The following ROBO1 variants were observed in gnomAD, a reference collection of about 807,000 sequenced individuals.
ROBO1 encodes roundabout homolog 1.
In ROBO1, 149 loss-of-function variants were observed where a neutral mutation model predicts 195.9. The observed-to-expected ratio is 0.76, with a 90% CI of 0.67 to 0.87. The LOEUF is 0.87. Ranked by LOEUF, ROBO1 falls within the 40% of genes least tolerant of loss-of-function variation. The probability of loss-of-function intolerance (pLI) is 0.00; values close to 1 mark genes in which losing one functional copy is unlikely to be tolerated. For missense variants in ROBO1, 1,933 were observed against 2,068.3 expected (o/e 0.93, Z 1.27); for synonymous variants, 816 against 733.2 (o/e 1.11, Z -1.82).
chr3:79,360,562 A>G (rs1559844533), intron 2 of ROBO1, among the ~76,000 whole-genome samples: 1 of 152,154 alleles, frequency 6.6e-6, no homozygotes, highest in Non-Finnish European at 1.5e-5. Context: ...GACATTGATG[A>G]TGGTGATGAT....
chr3:79,159,973 G>T (rs1045867414), intron 2 of ROBO1, among the ~76,000 whole-genome samples: 1 of 151,980 alleles, frequency 6.6e-6, no homozygotes, highest in Non-Finnish European at 1.5e-5. Flanking sequence ...AACTCTATAT[G>T]TCTGAGAAAA....
chr3:79,564,409 T>C (rs1943025261), intron 2 of ROBO1, among the ~76,000 whole-genome samples: 2 of 152,018 alleles, frequency 1.3e-5, no homozygotes, highest in South Asian at 4.1e-4. Context: ...TACTGCTGTG[T>C]TGTGCTAGTG....
chr3:79,397,204 T>C (rs530656212), intron 2 of ROBO1, among the ~76,000 whole-genome samples: 3 of 150,880 alleles, frequency 2.0e-5, no homozygotes, highest in Non-Finnish European at 3.0e-5. Flanking sequence ...TATGTGTATA[T>C]ATAAAATTAA....
chr3:79,114,968 C>T (rs2079964321), intron 3 of ROBO1, among the ~76,000 whole-genome samples: 1 of 152,142 alleles, frequency 6.6e-6, no homozygotes, highest in African/African-American at 2.4e-5. Context: ...ATTGTAGAGT[C>T]ATAGCATAGA....
chr3:79,518,293 T>TAAGAAG (rs201584235), intron 2 of ROBO1, among the ~76,000 whole-genome samples: 1,889 of 152,200 alleles, frequency 0.012, 27 homozygotes, highest in Middle Eastern at 0.048. Context: ...TAAGGCATGT[T>TAAGAAG]AAGAAGAAGA....
At chr3:79,637,006 C>T (rs564300865) in intron 1 of ROBO1, among the ~76,000 whole-genome samples, 1 of 152,228 alleles carries the variant, frequency 6.6e-6, no homozygotes, top group South Asian at 2.1e-4. Context: ...AACAGAAAGG[C>T]TAACCCATAA....
At chr3:78,930,840 A>G (rs1298374138) in intron 4 of ROBO1, among the ~76,000 whole-genome samples, 1 of 152,178 alleles carries the variant, frequency 6.6e-6, no homozygotes, top group Non-Finnish European at 1.5e-5. Context: ...CACATGTAAC[A>G]CTCAGGTACA....
chr3:79,690,991 A>C (rs547800397), intron 1 of ROBO1, among the ~76,000 whole-genome samples: 2 of 152,032 alleles, frequency 1.3e-5, no homozygotes, highest in South Asian at 4.1e-4. Flanking sequence ...TATTCTTTTC[A>C]TGGTAAATTT....
intron 2 of ROBO1, among the ~76,000 whole-genome samples, chr3:79,442,557 T>C (rs1282657042): frequency 1.3e-5 from 2 of 152,144 alleles, no homozygotes; most frequent in Non-Finnish European, 2.9e-5. Flanking sequence ...GGTGCATCCA[T>C]ACTCTAGTGA....
intron 2 of ROBO1, among the ~76,000 whole-genome samples, chr3:79,580,083 A>T (rs758449968): frequency 3.9e-5 from 6 of 152,164 alleles, no homozygotes; most frequent in Non-Finnish European, 7.3e-5. Context: ...TTTCATATAC[A>T]AGGAATTCAG....
chr3:78,909,478 G>C (rs2038119774), intron 4 of ROBO1, among the ~76,000 whole-genome samples: 1 of 151,622 alleles, frequency 6.6e-6, no homozygotes. Flanking sequence ...TATTTTTCTG[G>C]GGGTAAAAGG....
chr3:79,096,209 C>A (rs540825042), intron 3 of ROBO1, among the ~76,000 whole-genome samples: 10 of 151,970 alleles, frequency 6.6e-5, no homozygotes, highest in African/African-American at 2.4e-4. Flanking sequence ...TCCTATTTTG[C>A]CACACCTTTA....
chr3:78,981,829 A>C (rs2077001015), intron 3 of ROBO1, among the ~76,000 whole-genome samples: 1 of 151,752 alleles, frequency 6.6e-6, no homozygotes, highest in African/African-American at 2.4e-5. Context: ...ACACACAAAA[A>C]CACACCCACA....
chr3:79,752,947 A>G (rs1704200413), intron 1 of ROBO1, among the ~76,000 whole-genome samples: 1 of 152,186 alleles, frequency 6.6e-6, no homozygotes, highest in South Asian at 2.1e-4. Flanking sequence ...GGGAGTGGGG[A>G]AAATCTAATA....
At chr3:79,077,947 A>G (rs954182171) in intron 3 of ROBO1, among the ~76,000 whole-genome samples, 4 of 151,826 alleles carry the variant, frequency 2.6e-5, no homozygotes, top group African/African-American at 9.7e-5. Flanking sequence ...GTAAGTGTTC[A>G]GTGCTAGTTA....
intron 21 of ROBO1, 115 bp downstream of exon 21, chr3:78,646,033 A>T (rs1176594040): frequency 1.1e-6 from 1 of 901,026 alleles, no homozygotes. Context: ...TCAAGGAACT[A>T]AATAAATTCC....
In ROBO1 at chr3:79,453,637, A is replaced by T. The variant is rs2039518486; in HGVS notation, c.88+136187T>A. 7.9e-5 allele frequency among the ~76,000 whole-genome samples: 12 copies of T among 152,144 alleles called. No individual in the cohort carries two copies. The South Asian group carries it at 2.5e-3, about 32-fold the overall frequency. Reference sequence around the variant, plus strand: ...GGGAGTTGTTCATAATTCTAACTGAATGTAGGTCTCAGTAAAGACTCACAT... The same window carrying T: ...GGGAGTTGTTCATAATTCTAACTGATTGTAGGTCTCAGTAAAGACTCACAT... On this transcript the variant is annotated intron_variant, in intron 2 of 30. Coordinates refer to ENST00000464233, the MANE Select transcript of ROBO1 (RefSeq NM_002941.4).
intron 2 of ROBO1, among the ~76,000 whole-genome samples, chr3:79,183,595 A>G (rs1037617): frequency 1 from 152,161 of 152,346 alleles, 75,988 homozygotes; most frequent in Non-Finnish European, 1. Context: ...GGGAAGCAGT[A>G]GAAGAAAAAA....
intron 4 of ROBO1, among the ~76,000 whole-genome samples, chr3:78,788,408 G>A (rs1309587188): frequency 8.5e-4 from 101 of 118,256 alleles, no homozygotes; most frequent in African/African-American, 2.7e-3. Context: ...ATGAGCCACC[G>A]CTCCCAGCCT....
Sources: allele counts gnomAD v4.1 joint callset (sites outside exome capture counted in the v4.1 genomes callset), GRCh38; gene constraint gnomAD v4.1.1; transcripts MANE v1.5; gene names NCBI Gene and HGNC (gene_info 2026-07-23, HGNC 2026-07-21).